Variants in DYM observed in about 807,000 individuals in gnomAD.
DYM encodes dymeclin, also known as dyggve-Melchior-Clausen syndrome protein.
DYM carries 78 observed loss-of-function variants against 93.1 expected under a neutral mutation model. The ratio of observed to expected loss-of-function variants is 0.84; its 90% CI spans 0.70 to 1.01. The LOEUF is 1.01. Ranked by LOEUF, DYM falls within the 50% of genes least tolerant of loss-of-function variation. DYM has a pLI of 0.00. For synonymous variants in DYM, 321 were observed against 319.7 expected (o/e 1.00, Z -0.04); for missense variants, 789 against 845.0 (o/e 0.93, Z 0.82).
At chr18:49,424,470 C>T (rs1050199179) in intron 2 of DYM, among the ~76,000 whole-genome samples, 6 of 151,968 alleles carry the variant, frequency 3.9e-5, no homozygotes, top group Non-Finnish European at 2.9e-5. Flanking sequence ...GGAAGCATTC[C>T]CTTTGAAAAC....
intron 15 of DYM, among the ~76,000 whole-genome samples, chr18:49,145,836 T>C (rs1740427741): frequency 6.6e-6 from 1 of 152,212 alleles, no homozygotes; most frequent in Non-Finnish European, 1.5e-5. Context: ...AAGTCTTTTA[T>C]GCAAGTAGTC....
intron 15 of DYM, among the ~76,000 whole-genome samples, chr18:49,147,378 G>A (rs1483360221): frequency 3.9e-5 from 6 of 151,986 alleles, no homozygotes; most frequent in Non-Finnish European, 8.8e-5. Context: ...CTTCTGCACA[G>A]CAAAAGAAAC....
chr18:49,085,105 A>G (rs903102155), intron 17 of DYM, among the ~76,000 whole-genome samples: 4 of 152,234 alleles, frequency 2.6e-5, no homozygotes, highest in Non-Finnish European at 4.4e-5. Context: ...TTATTAGTAG[A>G]TGAGACCTTG....
intron 13 of DYM, among the ~76,000 whole-genome samples, chr18:49,226,145 G>A (rs1382107584): frequency 6.6e-6 from 1 of 152,028 alleles, no homozygotes; most frequent in Non-Finnish European, 1.5e-5. Flanking sequence ...GTTTTTAAAG[G>A]TTTTGTAAAC....
chr18:49,052,698 G>A (rs1438622891), intron 17 of DYM, among the ~76,000 whole-genome samples: 2 of 152,190 alleles, frequency 1.3e-5, no homozygotes, highest in African/African-American at 4.8e-5. Flanking sequence ...TCCGACATCC[G>A]TCTGGCTCTT....
intron 6 of DYM, among the ~76,000 whole-genome samples, chr18:49,339,399 T>C (rs1193979551): frequency 1.3e-5 from 2 of 152,230 alleles, no homozygotes; most frequent in East Asian, 1.9e-4. Context: ...GTGAGAGTTA[T>C]GTCACTTTTG....
At chr18:49,304,990 C>T (rs2061188673) in intron 8 of DYM, among the ~76,000 whole-genome samples, 2 of 152,136 alleles carry the variant, frequency 1.3e-5, no homozygotes, top group African/African-American at 2.4e-5. Context: ...TGAATTCATG[C>T]ATTCCACTCC....
At chr18:49,257,629 A>T (rs1035921939) in intron 12 of DYM, among the ~76,000 whole-genome samples, 2 of 151,916 alleles carry the variant, frequency 1.3e-5, no homozygotes, top group Non-Finnish European at 1.5e-5. Context: ...TCAGGACAAG[A>T]GTTCAAAACC....
chr18:49,165,560 G>C (rs8092003), intron 14 of DYM, among the ~76,000 whole-genome samples: 99,524 of 151,888 alleles, frequency 0.66, 33,142 homozygotes, highest in Non-Finnish European at 0.73. Context: ...AGTAGTCTTT[G>C]TAGATTAAGT....
intron 8 of DYM, among the ~76,000 whole-genome samples, chr18:49,319,209 T>C (rs1185988028): frequency 1.2e-4 from 18 of 152,186 alleles, no homozygotes. Context: ...TAATATCTGC[T>C]AGTCTACACT....
At chr18:49,318,477 T>C (rs2062181822) in intron 8 of DYM, among the ~76,000 whole-genome samples, 1 of 151,740 alleles carries the variant, frequency 6.6e-6, no homozygotes, top group African/African-American at 2.4e-5. Flanking sequence ...CAAAAATTAA[T>C]TGGGCATGGT....
intron 2 of DYM, among the ~76,000 whole-genome samples, chr18:49,394,520 T>C (rs1047304883): frequency 2.6e-5 from 4 of 152,224 alleles, no homozygotes; most frequent in African/African-American, 9.6e-5. Flanking sequence ...CTGGGTCTTC[T>C]GTGTTGCCAT....
chr18:49,419,567 C>T (rs765127555), intron 2 of DYM, among the ~76,000 whole-genome samples: 12 of 152,278 alleles, frequency 7.9e-5, no homozygotes, highest in Non-Finnish European at 1.5e-4. Context: ...AGTACATACA[C>T]ATACATTTAT....
intron 13 of DYM, among the ~76,000 whole-genome samples, chr18:49,237,239 T>A (rs1213264757): frequency 1.3e-5 from 2 of 152,040 alleles, no homozygotes; most frequent in Non-Finnish European, 2.9e-5. Flanking sequence ...GATGCATGAG[T>A]GAATATTTTC....
intron 6 of DYM, among the ~76,000 whole-genome samples, chr18:49,362,026 A>ATTT (rs71165388): frequency 5.6e-5 from 8 of 143,834 alleles, no homozygotes; most frequent in Admixed American, 6.9e-5. Flanking sequence ...ATCCGGCCTA[A>ATTT]TTTTTTTTTT....
At chr18:49,130,818 T>C (rs1298343446) in intron 15 of DYM, among the ~76,000 whole-genome samples, 1 of 152,130 alleles carries the variant, frequency 6.6e-6, no homozygotes, top group Non-Finnish European at 1.5e-5. Context: ...CCTGTGAAAG[T>C]ACAAGGCGCT....
At chr18:49,362,170 C>CT (rs1050744662) in intron 6 of DYM, among the ~76,000 whole-genome samples, 5 of 151,556 alleles carry the variant, frequency 3.3e-5, no homozygotes, top group African/African-American at 7.3e-5. Flanking sequence ...CTGGCCAATA[C>CT]TTTTTTTTAA....
At chr18:49,241,981 G>A (rs2144726556) in intron 13 of DYM, among the ~76,000 whole-genome samples, 1 of 152,272 alleles carries the variant, frequency 6.6e-6, no homozygotes, top group East Asian at 1.9e-4. Flanking sequence ...CATTTTCCCA[G>A]CACTACAACA....
chr18:49,455,739 G>A (rs1242092299), intron 1 of DYM, among the ~76,000 whole-genome samples: 1 of 152,228 alleles, frequency 6.6e-6, no homozygotes, highest in East Asian at 1.9e-4. Flanking sequence ...ATCACCTGAG[G>A]TCAGGAGTTC....
Sources: allele counts gnomAD v4.1 joint callset (sites outside exome capture counted in the v4.1 genomes callset), GRCh38; gene constraint gnomAD v4.1.1; transcripts MANE v1.5; gene names NCBI Gene and HGNC (gene_info 2026-07-23, HGNC 2026-07-21).